Variants in RTKN2 observed in about 807,000 individuals in gnomAD.
RTKN2 encodes rhotekin 2.
A neutral mutation model predicts 71.5 loss-of-function variants in RTKN2; 69 were observed. That is an observed-to-expected ratio of 0.96 (90% CI 0.79 to 1.18). The LOEUF is 1.18. Ranked by LOEUF, RTKN2 falls within the 50% of genes most tolerant of loss-of-function variation. RTKN2 has a pLI of 0.00. For synonymous variants in RTKN2, 236 were observed against 236.5 expected, an observed-to-expected ratio of 1.00 and a Z score of 0.02; for missense variants, 724 against 719.7, an observed-to-expected ratio of 1.01 and a Z score of -0.07.
At position 62,268,679 on chromosome 10, in the gene RTKN2, A is replaced by G; in HGVS notation, c.-69T>C. On this transcript the variant is annotated 5_prime_UTR_variant, in exon 1 of 12. Coordinates refer to ENST00000373789, the MANE Select transcript of RTKN2 (RefSeq NM_145307.4). ...AAGATTTGAAAAGCCCGCCCCTGGCAGGAGCCGCAGAGGACGCCAACCGCC... is the reference window on the plus strand; with the variant it reads ...AAGATTTGAAAAGCCCGCCCCTGGCGGGAGCCGCAGAGGACGCCAACCGCC... 6.7e-7 allele frequency: 1 copy of G among 1,489,940 alleles called. No individual in the cohort carries two copies. The highest frequency in any genetic ancestry group is 9.1e-7 in the Non-Finnish European group (1 of 1,099,370). 92.3% of individuals were successfully genotyped at this position (1,489,940 alleles called of 1,614,324 possible).
At chr10:62,235,402 T>C (rs1012306228) in intron 6 of RTKN2, among the ~76,000 whole-genome samples, 17 of 152,292 alleles carry the variant, frequency 1.1e-4, no homozygotes, top group African/African-American at 4.1e-4. Context: ...TAGATTAATA[T>C]GTAAAGAAAT....
chr10:62,239,945 T>A (rs1842339522), intron 4 of RTKN2, among the ~76,000 whole-genome samples, 180 bp from the exon 5 acceptor site: 1 of 152,082 alleles, frequency 6.6e-6, no homozygotes, highest in Non-Finnish European at 1.5e-5. Context: ...CTTACTCAAC[T>A]AGAACACAAT....
chr10:62,268,293 C>A (rs1167847316), intron 1 of RTKN2, among the ~76,000 whole-genome samples: 4 of 152,244 alleles, frequency 2.6e-5, no homozygotes, highest in Non-Finnish European at 1.5e-5. Context: ...CGGACAGGTG[C>A]GCCCGCAAAC....
At chr10:62,207,833 C>T (rs1003646037) in intron 9 of RTKN2, among the ~76,000 whole-genome samples, 2 of 152,104 alleles carry the variant, frequency 1.3e-5, no homozygotes, top group African/African-American at 2.4e-5. Flanking sequence ...GAAATAATCT[C>T]CAATCCAATT....
intron 3 of RTKN2, among the ~76,000 whole-genome samples, chr10:62,245,755 A>G (rs1842466308): frequency 6.6e-6 from 1 of 152,152 alleles, no homozygotes; most frequent in Non-Finnish European, 1.5e-5. Flanking sequence ...TACTCTACCT[A>G]TTTTACAAGA....
At chr10:62,245,957 T>C in intron 3 of RTKN2, 42 bp downstream of exon 3, 4 of 1,259,800 alleles carry the variant, frequency 3.2e-6, no homozygotes, top group Non-Finnish European at 4.5e-6. Flanking sequence ...AGTTACGTTA[T>C]AGAATTTATT....
intron 9 of RTKN2, among the ~76,000 whole-genome samples, chr10:62,214,057 T>G (rs1841717246): frequency 6.6e-6 from 1 of 151,850 alleles, no homozygotes; most frequent in South Asian, 2.1e-4. Context: ...AGAAAAAGGC[T>G]TCTAAAGAGA....
chr10:62,203,340 G>A (rs1841484191), intron 10 of RTKN2, among the ~76,000 whole-genome samples: 1 of 104,126 alleles, frequency 9.6e-6, no homozygotes, highest in Non-Finnish European at 1.9e-5. Context: ...GAGATCTGCT[G>A]AATTTTTTTT....
At chr10:62,246,234 TA>T (rs1842477014) in intron 2 of RTKN2, among the ~76,000 whole-genome samples, 177 bp from the exon 3 acceptor site, 1 of 152,114 alleles carries the variant, frequency 6.6e-6, no homozygotes, top group African/African-American at 2.4e-5. Flanking sequence ...GTTAGCAAGT[TA>T]AAAGAAATAT....
chr10:62,194,728 A>G lies in RTKN2; in HGVS notation c.*3180T>C. 2 of 985,404 alleles carry G rather than the reference A, an allele frequency of 2.0e-6. No homozygotes were observed. Among genetic ancestry groups the G allele is most frequent in the Non-Finnish European group, 2.4e-6 (2 of 829,898 alleles). The allele number at this position is 985,404 out of a possible 1,614,324, so 61.0% of individuals were successfully genotyped here. A position where few individuals can be genotyped will look rare whatever the true frequency, so the allele number is the denominator to read the frequency against. On this transcript the variant is annotated 3_prime_UTR_variant, in exon 12 of 12. Transcript: ENST00000373789. ...TCAGTAGGGGGCTGAGGTGCTGAAC[A>G]TAAGCCTAAAGAAATACTTGACTGC...
intron 8 of RTKN2, among the ~76,000 whole-genome samples, chr10:62,185,229 G>C (rs1001175523): frequency 4.6e-5 from 7 of 151,722 alleles, no homozygotes; most frequent in Non-Finnish European, 1.0e-4. Context: ...TAATTTGTAT[G>C]GCAGATCCTC....
chr10:62,213,854 GA>G (rs1841713219), intron 9 of RTKN2, among the ~76,000 whole-genome samples: 1 of 151,346 alleles, frequency 6.6e-6, no homozygotes, highest in African/African-American at 2.4e-5. Context: ...TGTAAGTTAA[GA>G]AAAAACAAAA....
intron 9 of RTKN2, among the ~76,000 whole-genome samples, chr10:62,214,771 A>G (rs1262384558): frequency 1.3e-5 from 2 of 152,076 alleles, no homozygotes; most frequent in Non-Finnish European, 2.9e-5. Flanking sequence ...TAACTTTCAA[A>G]ATTGATTTAC....
At chr10:62,215,128 T>TTAAAA in intron 9 of RTKN2, 1 of 1,226,054 alleles carries the variant, frequency 8.2e-7, no homozygotes, top group Non-Finnish European at 1.1e-6. Flanking sequence ...ACATTTTATT[T>TTAAAA]TATGACTGAA....
At position 62,204,940 on chromosome 10, in the gene RTKN2, G is replaced by C. The variant is rs1430428848; in HGVS notation, c.1103C>G (p.Ala368Gly). 1 of 1,604,554 alleles carries C rather than the reference G, an allele frequency of 6.2e-7. No homozygotes were observed. Among genetic ancestry groups the C allele is most frequent in the African/African-American group, 1.3e-5 (1 of 74,268 alleles). ...FSVINPVPGQAITQIFAVDNR... is the reference protein window; with the variant it reads ...FSVINPVPGQGITQIFAVDNR... ...GTCAACTGCAAAAATCTGAGTTATA[G>C]CTTGTCCAGGAACAGGATTGATGAC... Residue 368 changes from alanine (A) to glycine (G), a missense_variant, in exon 10 of 12, where the codon GCT becomes GGT. By Grantham distance (60) the Ala-to-Gly change is moderately conservative. Coordinates refer to ENST00000373789, the MANE Select transcript of RTKN2 (RefSeq NM_145307.4).
At chr10:62,259,592 C>T (rs534774620) in intron 2 of RTKN2, among the ~76,000 whole-genome samples, 8 of 152,246 alleles carry the variant, frequency 5.3e-5, no homozygotes, top group South Asian at 4.1e-4. Context: ...CACTCTTTTG[C>T]GCTGGCTGGA....
intron 6 of RTKN2, 55 bp from the exon 7 acceptor site, chr10:62,223,387 C>T: frequency 1.9e-6 from 2 of 1,034,448 alleles, no homozygotes; most frequent in Non-Finnish European, 3.0e-6. Context: ...TACTACTACA[C>T]AAAATATTTG....
chr10:62,230,908 C>T (rs1028669322), intron 6 of RTKN2, among the ~76,000 whole-genome samples: 1 of 152,098 alleles, frequency 6.6e-6, no homozygotes, highest in African/African-American at 2.4e-5. Context: ...ACCTATTAAC[C>T]TTTGAATTTA....
chr10:62,257,364 C>G lies in RTKN2; in HGVS notation c.257+5261G>C, dbSNP rs977843488. Among the ~76,000 whole-genome samples, 4 of 152,026 alleles carry G rather than the reference C, an allele frequency of 2.6e-5. No individual in the cohort carries two copies. In the East Asian group the frequency reaches 7.7e-4, roughly 29 times the overall value. On this transcript the variant is annotated intron_variant, in intron 2 of 11. Transcript: ENST00000373789. ...TGAGGTATTCATGATTTGGATGGTA[C>G]TAGAAGTAAAAGGAGGTAAATAGTC...
Sources: allele counts gnomAD v4.1 joint callset (sites outside exome capture counted in the v4.1 genomes callset), GRCh38; gene constraint gnomAD v4.1.1; transcripts MANE v1.5; gene names NCBI Gene and HGNC (gene_info 2026-07-23, HGNC 2026-07-21).